The following NDOR1 variants were observed in gnomAD, a reference collection of about 807,000 sequenced individuals.
NDOR1 encodes NADPH dependent diflavin oxidoreductase 1.
In NDOR1, 61 loss-of-function variants were observed where a neutral mutation model predicts 67.2. The observed-to-expected ratio is 0.91, with a 90% CI of 0.74 to 1.12. The LOEUF (loss-of-function observed/expected upper bound fraction) is 1.12. Among genes scored for constraint, NDOR1 ranks in the 50% most tolerant of loss-of-function variants. NDOR1 has a pLI of 0.00. For synonymous variants in NDOR1, 378 were observed against 343.7 expected (o/e 1.10, Z -1.10); for missense variants, 878 against 802.8 (o/e 1.09, Z -1.13).
rs1046119970 is a variant in NDOR1, at chr9:137,213,690, GCCCGGGCTCCACTCT to G, written c.312-83_312-69del. The G allele has an allele frequency of 9.1e-6, 12 of 1,311,972 alleles. No homozygotes were observed. In the African/African-American group the frequency reaches 1.1e-4, roughly 11 times the overall value. The allele number at this position is 1,311,972 out of a possible 1,614,324, so 81.3% of individuals were successfully genotyped here. A position where few individuals can be genotyped will look rare whatever the true frequency, so the allele number is the denominator to read the frequency against. On this transcript the variant is annotated intron_variant, in intron 3 of 13. Coordinates refer to ENST00000684003, the MANE Select transcript of NDOR1 (RefSeq NM_014434.4). ...AGGCCCTCCCCAGGCTCCACTCTTC[GCCCGGGCTCCACTCT>G]CCCGGGTTCCACTCTGCCTGGGCAC...
chr9:137,213,891 G>A lies in NDOR1; in HGVS notation c.410+13G>A, dbSNP rs548833517. On this transcript the variant is annotated intron_variant, in intron 4 of 13. Coordinates refer to ENST00000684003, the MANE Select transcript of NDOR1 (RefSeq NM_014434.4). ...AGCATGAGCTGGGGTGAGTCTGCGG[G>A]CGTGGTACCCGCCTCCACAGTCTGG... 2.7e-5 allele frequency: 43 copies of A among 1,603,786 alleles called. No individual in the cohort carries two copies. In the South Asian group the frequency reaches 4.4e-4, roughly 17 times the overall value.
At position 137,215,395 on chromosome 9, in the gene NDOR1, C is replaced by A. The variant is rs747709310; in HGVS notation, c.1174-12C>A. The A allele has an allele frequency of 1.2e-6, 2 of 1,605,494 alleles. No individual in the cohort carries two copies. Among genetic ancestry groups the A allele is most frequent in the South Asian group, 1.1e-5 (1 of 90,894 alleles). ...CCTTGTTCCACCACCCCCACCCCGCCGTCCTCCCCAGACTCACCCCTCACG... is the reference window on the plus strand; with the variant it reads ...CCTTGTTCCACCACCCCCACCCCGCAGTCCTCCCCAGACTCACCCCTCACG... On this transcript the variant is annotated splice_polypyrimidine_tract_variant and intron_variant, in intron 9 of 13. Transcript: ENST00000684003.
chr9:137,214,356 C>T lies in NDOR1; in HGVS notation c.665C>T (p.Pro222Leu), dbSNP rs756476826. ...ATCTCCAACCAGAGAGTCACCGGCC[C>T]CTCCCACTTCCAGGACGTTCGGCTG... The part of the protein sequence containing the change: ...PMISNQRVTG[P>L]SHFQDVRLIE... The change falls in exon 6 of 14, where the codon CCC becomes CTC. Residue 222 changes from proline to leucine, a missense_variant. By Grantham distance (98) the Pro-to-Leu change is moderately conservative. Transcript: ENST00000684003. 5 of 1,614,056 alleles carry T rather than the reference C, an allele frequency of 3.1e-6. No homozygotes were observed. The African/African-American group carries it at 5.3e-5, about 17-fold the overall frequency.
Position 137,215,526 on chromosome 9 carries a change from C to T in NDOR1, c.1288+5C>T. 1 of 1,612,848 alleles carries T rather than the reference C, an allele frequency of 6.2e-7. No homozygotes were observed. Among genetic ancestry groups the T allele is most frequent in the African/African-American group, 1.3e-5 (1 of 75,070 alleles). The stretch of plus-strand genomic sequence containing the variant: ...CATCCCTGGACCCTGGGCAAGGTGA[C>T]CCCTGCTCCCAGGGTGGGGGCCGTG... On this transcript the variant is annotated splice_donor_5th_base_variant and intron_variant, in intron 10 of 13. Coordinates refer to ENST00000684003, the MANE Select transcript of NDOR1 (RefSeq NM_014434.4).
At position 137,212,587 on chromosome 9, in the gene NDOR1, C is replaced by A; in HGVS notation, c.299C>A (p.Ser100Tyr). The A allele has an allele frequency of 1.2e-6, 2 of 1,613,748 alleles. No individual in the cohort carries two copies. Among genetic ancestry groups the A allele is most frequent in the Non-Finnish European group, 1.7e-6 (2 of 1,179,664 alleles). ...TTTGCCGTCCTGGGCCTCGGGGACTCCTCATACGCCAAGTGAGTAGGGGAT... is the reference window on the plus strand; with the variant it reads ...TTTGCCGTCCTGGGCCTCGGGGACTACTCATACGCCAAGTGAGTAGGGGAT... ...MDFAVLGLGD[S>Y]SYAKFNFVAK... The change falls in exon 3 of 14, where the codon TCC (serine) becomes TAC (tyrosine). Residue 100 changes from serine (S) to tyrosine (Y), a missense_variant. Transcript: ENST00000684003. The surrounding 1 kb of genome is among the most constrained non-coding windows in gnomAD (Gnocchi z 4.3).
chr9:137,218,201 C>T lies in NDOR1; in HGVS notation c.*1785C>T, dbSNP rs376254010. The stretch of plus-strand genomic sequence containing the variant: ...CTCGGCCTCCAGTGCCGACCTGGGC[C>T]GGGTGCGCTGCCCGCTGTGCCGCCA... On this transcript the variant is annotated 3_prime_UTR_variant, in exon 14 of 14. Coordinates refer to ENST00000684003, the MANE Select transcript of NDOR1 (RefSeq NM_014434.4). 138 of 398,472 alleles carry T rather than the reference C, an allele frequency of 3.5e-4. No homozygotes were observed. Among genetic ancestry groups the T allele is most frequent in the African/African-American group, 2.4e-3 (119 of 48,712 alleles). 24.7% of individuals were successfully genotyped at this position (398,472 alleles called of 1,614,324 possible). A position where few individuals can be genotyped will look rare whatever the true frequency, so the allele number is the denominator to read the frequency against.
intron 2 of NDOR1, among the ~76,000 whole-genome samples, chr9:137,207,383 A>G (rs1358208879): frequency 1.3e-5 from 2 of 151,924 alleles, no homozygotes; most frequent in Admixed American, 1.3e-4. Flanking sequence ...CATCCACAGA[A>G]ATCAGAGAAC....
chr9:137,209,026 G>A (rs528904989), intron 2 of NDOR1, among the ~76,000 whole-genome samples: 20 of 152,142 alleles, frequency 1.3e-4, no homozygotes, highest in African/African-American at 4.6e-4. Context: ...GACTACAGGC[G>A]CCGCCACCAC....
In NDOR1 at chr9:137,214,976, G is replaced by A; in HGVS notation, c.1023G>A (p.Glu341=). Residue 341 remains glutamate, a synonymous_variant, in exon 8 of 14, where the codon GAG becomes GAA. Coordinates refer to ENST00000684003, the MANE Select transcript of NDOR1 (RefSeq NM_014434.4). ...TCAGTTCTGCCCAAGGCCAGGAGGA[G>A]CTCTTTGAATACTGCAACCGGCCCC... ...LEFSSAQGQE[E]LFEYCNRPRR... 1 of 1,613,600 alleles carries A rather than the reference G, an allele frequency of 6.2e-7. No homozygotes were observed. Among genetic ancestry groups the A allele is most frequent in the Non-Finnish European group, 8.5e-7 (1 of 1,179,880 alleles).
In NDOR1 at chr9:137,218,232, C is replaced by T. The variant is rs1260013135; in HGVS notation, c.*1816C>T. 6 of 398,366 alleles carry T rather than the reference C, an allele frequency of 1.5e-5. No individual in the cohort carries two copies. Among genetic ancestry groups the T allele is most frequent in the East Asian group, 7.1e-5 (2 of 28,066 alleles). The allele number at this position is 398,366 out of a possible 1,614,324, so 24.7% of individuals were successfully genotyped here. A position where few individuals can be genotyped will look rare whatever the true frequency, so the allele number is the denominator to read the frequency against. On this transcript the variant is annotated 3_prime_UTR_variant, in exon 14 of 14. Coordinates refer to ENST00000684003, the MANE Select transcript of NDOR1 (RefSeq NM_014434.4). ...CGCTGCCCGCTGTGCCGCCAGAAGACGCCCGTGCTGGAATGGGAGATCTGC... is the reference window on the plus strand; with the variant it reads ...CGCTGCCCGCTGTGCCGCCAGAAGATGCCCGTGCTGGAATGGGAGATCTGC...
intron 6 of NDOR1, 58 bp from the exon 7 acceptor site, chr9:137,214,512 G>C: frequency 6.2e-7 from 1 of 1,608,826 alleles, no homozygotes; most frequent in Non-Finnish European, 8.5e-7. Flanking sequence ...ACTTCTATCC[G>C]GGGCCCCGAC....
In NDOR1 at chr9:137,213,949, G is replaced by A. The variant is rs9723308; in HGVS notation, c.411-18G>A. ...ACACGCAGGGTCCGCTCAGGCCAGC[G>A]CACGTGCTCCCTCCCAGGCCCGACG... On this transcript the variant is annotated intron_variant, in intron 4 of 13. Coordinates refer to ENST00000684003, the MANE Select transcript of NDOR1 (RefSeq NM_014434.4). The A allele has an allele frequency of 1.5e-5, 23 of 1,571,408 alleles. No homozygotes were observed. The highest frequency in any genetic ancestry group is 2.3e-5 in the South Asian group (2 of 86,346).
At chr9:137,214,538 T>C in intron 6 of NDOR1, 32 bp from the exon 7 acceptor site, 1 of 1,610,348 alleles carries the variant, frequency 6.2e-7, no homozygotes, top group South Asian at 1.1e-5. Context: ...CCCTGCGGCG[T>C]CCCCACAGCC....
At chr9:137,211,278 A>G (rs575224607) in intron 2 of NDOR1, among the ~76,000 whole-genome samples, 17 of 152,390 alleles carry the variant, frequency 1.1e-4, no homozygotes, top group Admixed American at 2.6e-4. Context: ...GTTATCCAGG[A>G]AAGTAATGAT....
chr9:137,216,524 G>A lies in NDOR1; in HGVS notation c.*108G>A, dbSNP rs1256288338. On this transcript the variant is annotated 3_prime_UTR_variant, in exon 14 of 14. Coordinates refer to ENST00000684003, the MANE Select transcript of NDOR1 (RefSeq NM_014434.4). ...AGCCGTCATCCTCTCGGACCAGCCA[G>A]CTGGTCCTCTGGGAACAGCCAGCTC... is the stretch of plus-strand genomic sequence containing the variant. The A allele has an allele frequency of 2.3e-5, 32 of 1,413,348 alleles. No homozygotes were observed. The highest frequency in any genetic ancestry group is 2.1e-4 in the South Asian group (15 of 72,150). 87.6% of individuals were successfully genotyped at this position (1,413,348 alleles called of 1,614,324 possible). A position where few individuals can be genotyped will look rare whatever the true frequency, so the allele number is the denominator to read the frequency against.
In NDOR1 at chr9:137,215,780, G is replaced by A. The variant is rs1445877836; in HGVS notation, c.1410G>A (p.Gln470=). The stretch of plus-strand genomic sequence containing the variant: ...TAGCCCCCTTCCGAGCAGCCATCCA[G>A]GAGCGTGTGGCCCAGGGCCAGACTG... ...TGVAPFRAAI[Q]ERVAQGQTGN... The change falls in exon 11 of 14, where the codon CAG becomes CAA. Residue 470 remains glutamine (Q), a synonymous_variant. Transcript: ENST00000684003. 2 of 1,597,398 alleles carry A rather than the reference G, an allele frequency of 1.3e-6. No homozygotes were observed. Among genetic ancestry groups the A allele is most frequent in the Admixed American group, 3.4e-5 (2 of 58,900 alleles).
intron 3 of NDOR1, among the ~76,000 whole-genome samples, 190 bp from the exon 4 acceptor site, chr9:137,213,590 G>A (rs1028908449): frequency 9.9e-5 from 15 of 152,140 alleles, no homozygotes; most frequent in African/African-American, 2.4e-4. Context: ...CCCTGGTCTC[G>A]GCAGCCCCTG....
Position 137,218,925 on chromosome 9 carries a change from G to A in NDOR1, c.*2509G>A, listed in dbSNP as rs926126113. On this transcript the variant is annotated 3_prime_UTR_variant, in exon 14 of 14. Transcript: ENST00000684003. ...GGACCCCATTCACCCTGCGGCAGAC[G>A]GGCACCGTACTGGCCACGGGCTGAC... 9.7e-6 allele frequency: 3 copies of A among 308,064 alleles called. No homozygotes were observed. Among genetic ancestry groups the A allele is most frequent in the Non-Finnish European group, 1.2e-5 (2 of 168,242 alleles). 19.1% of individuals were successfully genotyped at this position (308,064 alleles called of 1,614,324 possible).
At chr9:137,213,676 A>T in intron 3 of NDOR1, 104 bp from the exon 4 acceptor site, 1 of 1,169,390 alleles carries the variant, frequency 8.6e-7, no homozygotes. Flanking sequence ...GGCCCTCCCC[A>T]GGCTCCACTC....
Sources: allele counts gnomAD v4.1 joint callset (sites outside exome capture counted in the v4.1 genomes callset), GRCh38; gene constraint gnomAD v4.1.1; non-coding constraint Gnocchi (gnomAD v3.1); transcripts MANE v1.5; gene names NCBI Gene and HGNC (gene_info 2026-07-23, HGNC 2026-07-21).